Variants in OTUD7B observed in about 807,000 individuals in gnomAD.
OTUD7B encodes OTU deubiquitinase 7B.
OTUD7B carries 34 observed loss-of-function variants against 82.2 expected under a neutral mutation model. The observed-to-expected ratio is 0.41, with a 90% CI of 0.31 to 0.55. The LOEUF is 0.55. OTUD7B is among the 20% of genes least tolerant of loss of function. The pLI is 0.20. For synonymous variants in OTUD7B, 398 were observed against 402.7 expected, an observed-to-expected ratio of 0.99 and a Z score of 0.14; for missense variants, 944 against 1,062.1, an observed-to-expected ratio of 0.89 and a Z score of 1.55.
intron 1 of OTUD7B, among the ~76,000 whole-genome samples, chr1:150,000,760 C>T (rs1195513820): frequency 1.3e-5 from 2 of 152,112 alleles, no homozygotes; most frequent in Non-Finnish European, 1.5e-5. Context: ...GGGCAGATCA[C>T]TTGAGGTCAG....
chr1:149,978,671 T>C (rs1264448778), intron 1 of OTUD7B, among the ~76,000 whole-genome samples: 4 of 152,160 alleles, frequency 2.6e-5, no homozygotes, highest in Non-Finnish European at 5.9e-5. Flanking sequence ...GACTGTCAAA[T>C]AAGTTCAACT....
intron 1 of OTUD7B, among the ~76,000 whole-genome samples, chr1:150,000,536 A>G (rs1553784487): frequency 1.3e-5 from 2 of 152,086 alleles, no homozygotes; most frequent in African/African-American, 4.8e-5. Flanking sequence ...GGCAATGGAG[A>G]AAACAGGTTT....
chr1:149,967,435 C>A lies in OTUD7B; in HGVS notation c.361G>T (p.Gly121Trp), dbSNP rs372664948. 103 of 1,613,950 alleles carry A rather than the reference C, an allele frequency of 6.4e-5. No individual in the cohort carries two copies. In the South Asian group the frequency reaches 7.5e-4, roughly 12 times the overall value. ...TCCAGGGGGTGCTCATTGCTCCCCC[C>A]ACCCCCACCATTGGAGGAGACATGG... ...RSHVSSNGGG[G>W]GSNEHPLEMP... The change falls in exon 4 of 12, where the codon GGG (glycine) becomes TGG (tryptophan). Residue 121 changes from glycine (G) to tryptophan (W), a missense_variant. This residue lies in a region of OTUD7B where 530 missense variants were observed against 625.6 expected (regional missense o/e 0.85). Transcript: ENST00000581312.
chr1:149,989,692 T>C (rs1208582900), intron 1 of OTUD7B, among the ~76,000 whole-genome samples: 2 of 128,746 alleles, frequency 1.6e-5, no homozygotes, highest in Non-Finnish European at 3.1e-5. Context: ...TGAGCTATGA[T>C]AGTGCCATTG....
At chr1:150,034,349 C>T in the OTUD7B span, among the ~76,000 whole-genome samples, 1 of 152,156 alleles carries the variant, frequency 6.6e-6, no homozygotes, top group Non-Finnish European at 1.5e-5. Context: ...TCCATTGCTG[C>T]CTATTAGGGT....
chr1:149,975,317 C>G (rs1650232883), intron 2 of OTUD7B, among the ~76,000 whole-genome samples: 1 of 152,196 alleles, frequency 6.6e-6, no homozygotes, highest in African/African-American at 2.4e-5. Flanking sequence ...TGTGTGTGTG[C>G]ACACATGTGA....
the OTUD7B span, among the ~76,000 whole-genome samples, chr1:150,061,904 A>G: frequency 6.6e-6 from 1 of 152,172 alleles, no homozygotes; most frequent in African/African-American, 2.4e-5. Context: ...AGCCACCTAC[A>G]TACTCCTTCC....
At chr1:149,980,676 C>A (rs1365122780) in intron 1 of OTUD7B, among the ~76,000 whole-genome samples, 1 of 149,732 alleles carries the variant, frequency 6.7e-6, no homozygotes, top group Non-Finnish European at 1.5e-5. Flanking sequence ...GGCACCACTG[C>A]ACTCCAGCCT....
At chr1:150,042,335 G>A in the OTUD7B span, among the ~76,000 whole-genome samples, 6 of 151,462 alleles carry the variant, frequency 4.0e-5, no homozygotes, top group African/African-American at 1.5e-4. Context: ...ACCACACCCA[G>A]CTAATTTTTG....
chr1:149,998,062 C>A (rs1312784093), intron 1 of OTUD7B, among the ~76,000 whole-genome samples: 3 of 152,134 alleles, frequency 2.0e-5, no homozygotes, highest in Non-Finnish European at 4.4e-5. Context: ...ACCCACCAAA[C>A]CCAGCTCTCC....
At chr1:149,960,875 A>C (rs1649103901) in intron 6 of OTUD7B, 1 of 149,166 alleles carries the variant, frequency 6.7e-6, no homozygotes, top group Non-Finnish European at 1.5e-5. Context: ...CCAAGGAATT[A>C]TCTAATATTC....
At chr1:149,956,055 T>C (rs587699033) in intron 7 of OTUD7B, among the ~76,000 whole-genome samples, 4 of 152,340 alleles carry the variant, frequency 2.6e-5, no homozygotes, top group East Asian at 3.9e-4. Context: ...AATACTGTTA[T>C]GTGTGAATTT....
At chr1:150,059,143 G>A in the OTUD7B span, among the ~76,000 whole-genome samples, 18,807 of 136,510 alleles carry the variant, frequency 0.14, 1,366 homozygotes, top group Non-Finnish European at 0.17. Flanking sequence ...AACCTCTGCC[G>A]CCCAGGTTCA....
At chr1:150,020,363 C>A in the OTUD7B span, among the ~76,000 whole-genome samples, 1 of 152,126 alleles carries the variant, frequency 6.6e-6, no homozygotes, top group East Asian at 1.9e-4. Flanking sequence ...TGGTGAAACC[C>A]TGTCTCTATT....
At chr1:150,062,708 C>CTTTTTTTTTTTTTTTT in the OTUD7B span, among the ~76,000 whole-genome samples, 4 of 96,056 alleles carry the variant, frequency 4.2e-5, no homozygotes, top group Admixed American at 1.4e-4. Context: ...CTTCTTCTTT[C>CTTTTTTTTTTTTTTTT]TTTTTTTTTT....
At chr1:149,965,571 A>G (rs1391490069) in intron 5 of OTUD7B, among the ~76,000 whole-genome samples, 1 of 152,168 alleles carries the variant, frequency 6.6e-6, no homozygotes, top group Non-Finnish European at 1.5e-5. Context: ...TGCTCTCTTC[A>G]CTATCTCACT....
the OTUD7B span, among the ~76,000 whole-genome samples, chr1:150,035,148 A>AG: frequency 5.9e-5 from 9 of 151,654 alleles, no homozygotes; most frequent in African/African-American, 2.2e-4. Flanking sequence ...TCATCTCAAA[A>AG]AAAAAAAAGG....
chr1:150,050,038 C>A, the OTUD7B span, among the ~76,000 whole-genome samples: 9 of 151,842 alleles, frequency 5.9e-5, no homozygotes, highest in African/African-American at 1.7e-4. Context: ...ACAGTGAGAC[C>A]CCCATCTGTA....
chr1:150,011,323 C>T (rs1653047398), upstream of OTUD7B, among the ~76,000 whole-genome samples: 1 of 152,072 alleles, frequency 6.6e-6, no homozygotes, highest in Non-Finnish European at 1.5e-5. Context: ...GTTATGTCTT[C>T]TAGTGCGTTT....
Sources: gnomAD v4.1 joint callset for allele counts (sites outside exome capture counted in the v4.1 genomes callset) on GRCh38, gnomAD v4.1.1 for gene constraint, gnomAD v4.1.1 regional missense constraint, MANE v1.5 for transcripts, NCBI Gene and HGNC (gene_info 2026-07-23, HGNC 2026-07-21) for gene names.